MACF1: variants seen among roughly 807,000 people sequenced by gnomAD.
The protein encoded by MACF1 is microtubule actin crosslinking factor 1.
In MACF1, 193 loss-of-function variants were observed where a neutral mutation model predicts 854.8. The ratio of observed to expected loss-of-function variants is 0.23; its 90% CI spans 0.20 to 0.25. The LOEUF (loss-of-function observed/expected upper bound fraction) is 0.25. Ranked by LOEUF, MACF1 falls within the 10% of genes least tolerant of loss-of-function variation. The pLI is 1.00. For missense variants in MACF1, 7,722 were observed against 8,929.1 expected, an observed-to-expected ratio of 0.86 and a Z score of 5.45; for synonymous variants, 3,185 against 3,226.7, an observed-to-expected ratio of 0.99 and a Z score of 0.44.
chr1:39,387,473 G>C lies in MACF1; in HGVS notation c.14631G>C (p.Leu4877Phe), dbSNP rs201618029. 172 of 1,613,920 alleles carry C rather than the reference G, an allele frequency of 1.1e-4. No individual in the cohort carries two copies. Among genetic ancestry groups the C allele is most frequent in the Non-Finnish European group, 1.4e-4 (167 of 1,180,022 alleles). The change falls in exon 58 of 101, where the codon TTG becomes TTC. Residue 4877 changes from leucine (L) to phenylalanine (F), a missense_variant. Physicochemically the swap from Leu to Phe is conservative, Grantham distance 22. Coordinates refer to ENST00000564288, the MANE Select transcript of MACF1 (RefSeq NM_001394062.1). ...AGAAAAGGACTCTACAAAACCAGTT[G>C]GTTGAGCTCAAAAACCATTGGGAAG... ...GEEKRTLQNQLVELKNHWEEL... is the reference protein window; with the variant it reads ...GEEKRTLQNQFVELKNHWEEL...
At chr1:39,371,975 G>A (rs1395523214) in intron 51 of MACF1, among the ~76,000 whole-genome samples, 3 of 150,578 alleles carry the variant, frequency 2.0e-5, no homozygotes, top group Non-Finnish European at 4.4e-5. Context: ...CACCACGCCC[G>A]GCTAATTTTT....
rs1021253595 is a variant in MACF1, at chr1:39,409,006, G to A, written c.15817-13368G>A. 6.6e-6 allele frequency among the ~76,000 whole-genome samples: 1 copy of A among 151,892 alleles called. No homozygotes were observed. Among genetic ancestry groups the A allele is most frequent in the African/African-American group, 2.4e-5 (1 of 41,358 alleles). On this transcript the variant is annotated intron_variant, in intron 58 of 100. Coordinates refer to ENST00000564288, the MANE Select transcript of MACF1 (RefSeq NM_001394062.1). The surrounding 1 kb of genome is among the most constrained non-coding windows in gnomAD (Gnocchi z 4.2). ...CGTCGCGCGCTCCCTGGCTTCCAGGGGGCTGCCCGGGCGGGGCGGCGCAGC... is the reference window on the plus strand; with the variant it reads ...CGTCGCGCGCTCCCTGGCTTCCAGGAGGCTGCCCGGGCGGGGCGGCGCAGC...
chr1:39,461,728 G>A (rs966168427), intron 92 of MACF1, among the ~76,000 whole-genome samples, 155 bp from the exon 93 acceptor site: 7 of 141,744 alleles, frequency 4.9e-5, no homozygotes, highest in African/African-American at 1.9e-4. Flanking sequence ...GGAGACGGAA[G>A]TTGCAGTGAG....
chr1:39,434,942 G>A (rs755091557), intron 69 of MACF1, among the ~76,000 whole-genome samples: 4 of 152,206 alleles, frequency 2.6e-5, no homozygotes, highest in Non-Finnish European at 5.9e-5. Flanking sequence ...TCAAGGTATG[G>A]TTGGACAGTA....
At chr1:39,231,034 A>G in intron 1 of MACF1, 148 bp from the exon 2 acceptor site, 2 of 690,864 alleles carry the variant, frequency 2.9e-6, no homozygotes, top group Admixed American at 4.4e-5. Flanking sequence ...AAGTTCAGCT[A>G]GGCCAAACCT....
chr1:39,112,618 C>T (rs750193720), intron 2 of MACF1, among the ~76,000 whole-genome samples: 7 of 152,022 alleles, frequency 4.6e-5, no homozygotes, highest in Non-Finnish European at 1.0e-4. Flanking sequence ...ACAGAGGAGG[C>T]TGCATTAAGC....
chr1:39,337,831 G>A (rs1230920210), intron 38 of MACF1, among the ~76,000 whole-genome samples: 1 of 150,366 alleles, frequency 6.7e-6, no homozygotes, highest in Non-Finnish European at 1.5e-5. Flanking sequence ...GTGCAGTGGC[G>A]TGATCTCGGC....
intron 33 of MACF1, among the ~76,000 whole-genome samples, chr1:39,323,430 G>T (rs1189622995): frequency 6.6e-6 from 1 of 150,852 alleles, no homozygotes; most frequent in Non-Finnish European, 1.5e-5. Context: ...CAAAATATAT[G>T]CTATATATGT....
Position 39,460,904 on chromosome 1 carries a change from C to G in MACF1, c.21523+110C>G. 1.6e-6 allele frequency: 2 copies of G among 1,258,454 alleles called. No homozygotes were observed. The highest frequency in any genetic ancestry group is 1.9e-5 in the Admixed American group (1 of 53,352). 78.0% of individuals were successfully genotyped at this position (1,258,454 alleles called of 1,614,324 possible). A position where few individuals can be genotyped will look rare whatever the true frequency, so the allele number is the denominator to read the frequency against. ...TTTCTGAAGCTGGCCAGGAGCTTGG[C>G]TCACACCTGTAATTCCAGCACTTTG... is the stretch of plus-strand genomic sequence containing the variant. On this transcript the variant is annotated intron_variant, in intron 92 of 100. Transcript: ENST00000564288. The surrounding 1 kb of genome is among the most constrained non-coding windows in gnomAD (Gnocchi z 4.1).
intron 97 of MACF1, among the ~76,000 whole-genome samples, chr1:39,477,072 TATATATATATATATATATAC>T (rs1184249966): frequency 0.013 from 692 of 54,002 alleles, 44 homozygotes; most frequent in African/African-American, 0.027. Flanking sequence ...TATATATATA[TATATATATATATATATATAC>T]ACACACACAC....
chr1:39,258,071 C>A, intron 6 of MACF1, 43 bp downstream of exon 6: 1 of 1,521,378 alleles, frequency 6.6e-7, no homozygotes, highest in Non-Finnish European at 9.1e-7. Flanking sequence ...TTTGTTTGGA[C>A]ATGGCCTAGA....
intron 58 of MACF1, among the ~76,000 whole-genome samples, chr1:39,402,653 T>C (rs1174662555): frequency 2.0e-5 from 3 of 152,232 alleles, no homozygotes; most frequent in South Asian, 4.2e-4. Context: ...TCCATACTTA[T>C]TTCTCACCAC....
chr1:39,427,939 T>G, intron 62 of MACF1, 22 bp from the exon 63 acceptor site: 1 of 1,552,186 alleles, frequency 6.4e-7, no homozygotes, highest in South Asian at 1.2e-5. Context: ...CTGTTATTCA[T>G]TTTTTCCATC....
At chr1:39,118,584 C>T (rs1642604914) in intron 2 of MACF1, among the ~76,000 whole-genome samples, 1 of 152,184 alleles carries the variant, frequency 6.6e-6, no homozygotes, top group South Asian at 2.1e-4. Context: ...ATTAGGTGCC[C>T]ATCTCTCAGG....
chr1:39,241,659 CAAAAA>C (rs35678466), intron 2 of MACF1, among the ~76,000 whole-genome samples: 2 of 51,484 alleles, frequency 3.9e-5, no homozygotes, highest in Non-Finnish European at 7.2e-5. Context: ...GACTCCATCT[CAAAAA>C]AAAAAAAAAA....
chr1:39,418,543 G>C (rs950155969), intron 58 of MACF1, among the ~76,000 whole-genome samples: 2 of 152,224 alleles, frequency 1.3e-5, no homozygotes, highest in African/African-American at 4.8e-5. Flanking sequence ...CAACAGAAAA[G>C]AATCAGTCAG....
chr1:39,099,757 T>C (rs1642020811), intron 2 of MACF1, among the ~76,000 whole-genome samples: 2 of 152,164 alleles, frequency 1.3e-5, no homozygotes, highest in South Asian at 4.1e-4. Flanking sequence ...ACATCTACTA[T>C]GTGCAAAGTA....
chr1:39,168,300 T>C (rs551644074), intron 2 of MACF1, among the ~76,000 whole-genome samples: 2 of 152,370 alleles, frequency 1.3e-5, no homozygotes, highest in African/African-American at 4.8e-5. Context: ...TAAAATATTC[T>C]CTTCTTTTAC....
rs141211122 is a variant in MACF1, at chr1:39,247,928, A to G, written c.172-2086A>G. On this transcript the variant is annotated intron_variant, in intron 2 of 100. Coordinates refer to ENST00000564288, the MANE Select transcript of MACF1 (RefSeq NM_001394062.1). ...TCCCAGCTACTCGGGAGGCTGAGGC[A>G]GGAGAATCACTTGAACTCGGGAGGC... is the stretch of plus-strand genomic sequence containing the variant. 5.2e-3 allele frequency among the ~76,000 whole-genome samples: 788 copies of G among 152,318 alleles called. 5 individuals carry two copies. The highest frequency in any genetic ancestry group is 0.018 in the African/African-American group (751 of 41,580).
Sources: allele counts gnomAD v4.1 joint callset (sites outside exome capture counted in the v4.1 genomes callset), GRCh38; gene constraint gnomAD v4.1.1; non-coding constraint Gnocchi (gnomAD v3.1); transcripts MANE v1.5; gene names NCBI Gene and HGNC (gene_info 2026-07-23, HGNC 2026-07-21).